Variants in PARG observed in about 807,000 individuals in gnomAD.
PARG encodes the protein mitochondrial poly(ADP-ribose) glycohydrolase.
Under a neutral mutation model 113.0 loss-of-function variants are expected in PARG, and 35 were observed. That is an observed-to-expected ratio of 0.31 (90% CI 0.24 to 0.41). The LOEUF (loss-of-function observed/expected upper bound fraction) is 0.41. PARG is among the 10% of genes least tolerant of loss of function. The probability of loss-of-function intolerance (pLI) is 1.00; values close to 1 mark genes in which losing one functional copy is unlikely to be tolerated. For synonymous variants in PARG, 330 were observed against 409.9 expected, an observed-to-expected ratio of 0.81 and a Z score of 2.36; for missense variants, 797 against 1,169.4, an observed-to-expected ratio of 0.68 and a Z score of 4.64.
Position 49,842,221 on chromosome 10 carries a change from T to A in PARG, c.2433-163A>T, listed in dbSNP as rs536156939. Among the ~76,000 whole-genome samples the A allele has an allele frequency of 2.1e-3, 315 of 152,356 alleles. 4 individuals carry two copies. The South Asian group carries it at 0.021, about 10-fold the overall frequency. Reference sequence around the variant, plus strand: ...AGGAAAGGAAAGGAAACACCCTTTATTTTTAGATTGAGGCATATACAGTGT... The same window carrying A: ...AGGAAAGGAAAGGAAACACCCTTTAATTTTAGATTGAGGCATATACAGTGT... On this transcript the variant is annotated intron_variant, in intron 14 of 17. Transcript: ENST00000616448.
intron 15 of PARG, among the ~76,000 whole-genome samples, chr10:49,834,543 A>G (rs1440175562): frequency 2.0e-5 from 3 of 152,204 alleles, no homozygotes; most frequent in Admixed American, 2.0e-4. Context: ...AAAATTATCT[A>G]TCTTGAAAAA....
chr10:49,831,239 T>C (rs1201019338), intron 16 of PARG, among the ~76,000 whole-genome samples: 2 of 152,094 alleles, frequency 1.3e-5, no homozygotes, highest in East Asian at 3.8e-4. Flanking sequence ...AAAAAAATAA[T>C]AAATGTGTCA....
intron 15 of PARG, among the ~76,000 whole-genome samples, chr10:49,837,582 T>C (rs1223677267): frequency 2.6e-5 from 4 of 152,208 alleles, no homozygotes; most frequent in Non-Finnish European, 5.9e-5. Context: ...TCAATTTTAA[T>C]AGGTAAATGT....
At chr10:49,937,431 G>A (rs1411222024) in intron 1 of PARG, among the ~76,000 whole-genome samples, 7 of 151,034 alleles carry the variant, frequency 4.6e-5, no homozygotes, top group Admixed American at 2.0e-4. Flanking sequence ...AGCGGAGATC[G>A]CGCCACTGCA....
chr10:49,843,435 C>CT, intron 14 of PARG, 119 bp downstream of exon 14: 2 of 698,566 alleles, frequency 2.9e-6, no homozygotes, highest in East Asian at 2.7e-5. Flanking sequence ...GATTTCTTTT[C>CT]TTTTTTCTTT....
intron 17 of PARG, among the ~76,000 whole-genome samples, chr10:49,819,809 GGA>G (rs1406899408): frequency 2.6e-5 from 4 of 152,198 alleles, no homozygotes; most frequent in Admixed American, 6.5e-5. Flanking sequence ...CAAGCACACT[GGA>G]TGAGCGCTGG....
intron 13 of PARG, among the ~76,000 whole-genome samples, chr10:49,849,726 T>C (rs1450525126): frequency 1.3e-5 from 2 of 152,126 alleles, no homozygotes; most frequent in African/African-American, 4.8e-5. Context: ...GGATTATAAA[T>C]TATAGGCGGG....
chr10:49,911,932 T>C (rs571993890), intron 7 of PARG, among the ~76,000 whole-genome samples: 128 of 152,340 alleles, frequency 8.4e-4, no homozygotes, highest in African/African-American at 3.0e-3. Flanking sequence ...TTAATCTTAA[T>C]ACGATGTCAA....
At chr10:49,884,589 G>C (rs1156694310) in intron 8 of PARG, among the ~76,000 whole-genome samples, 1 of 151,906 alleles carries the variant, frequency 6.6e-6, no homozygotes, top group African/African-American at 2.4e-5. Context: ...AACTTAGCCG[G>C]GTATGGTGGT....
At chr10:49,920,657 T>G (rs1298752953) in intron 6 of PARG, among the ~76,000 whole-genome samples, 1 of 149,570 alleles carries the variant, frequency 6.7e-6, no homozygotes, top group South Asian at 2.1e-4. Flanking sequence ...TACGTATATA[T>G]ATGGAGTTTA....
At chr10:49,897,381 T>C (rs1440026959) in intron 7 of PARG, among the ~76,000 whole-genome samples, 9 of 152,154 alleles carry the variant, frequency 5.9e-5, no homozygotes. Flanking sequence ...TCAGTTCCCA[T>C]CTCCCTGGGA....
chr10:49,922,088 G>T (rs1837905581), intron 6 of PARG, among the ~76,000 whole-genome samples: 1 of 152,110 alleles, frequency 6.6e-6, no homozygotes, highest in Non-Finnish European at 1.5e-5. Flanking sequence ...AAATTGGATG[G>T]GGAATCAAGA....
chr10:49,857,278 C>T (rs1554835223), intron 13 of PARG, 28 bp downstream of exon 13: 3 of 816,150 alleles, frequency 3.7e-6, no homozygotes, highest in South Asian at 3.0e-5. Flanking sequence ...GGAAGACTAC[C>T]CCATTTTCCA....
chr10:49,933,663 G>A lies in PARG; in HGVS notation c.785C>T (p.Pro262Leu), dbSNP rs1397985765. The A allele has an allele frequency of 6.2e-7, 1 of 1,609,854 alleles. No individual in the cohort carries two copies. The highest frequency in any genetic ancestry group is 1.3e-5 in the African/African-American group (1 of 74,826). ...ATCCTCAGAGCCAACATCTGACAAT[G>A]GACTCTCTGGCACCACATCTATCTC... ...QDEIDVVPES[P>L]LSDVGSEDVG... Residue 262 changes from proline (P) to leucine (L), a missense_variant, in exon 3 of 18, where the codon CCA becomes CTA. This residue lies in a region of PARG where 284 missense variants were observed against 306.1 expected (regional missense o/e 0.93). Coordinates refer to ENST00000616448, the MANE Select transcript of PARG (RefSeq NM_003631.5).
At chr10:49,840,165 A>C (rs1554831979) in intron 15 of PARG, among the ~76,000 whole-genome samples, 1 of 152,004 alleles carries the variant, frequency 6.6e-6, no homozygotes, top group Non-Finnish European at 1.5e-5. Flanking sequence ...GACGGGGAGG[A>C]GATCACTTGA....
chr10:49,868,980 G>A (rs1162236211), intron 10 of PARG, among the ~76,000 whole-genome samples: 3 of 151,902 alleles, frequency 2.0e-5, no homozygotes, highest in Admixed American at 6.6e-5. Flanking sequence ...TCAGTTTTTG[G>A]GGAAGCAAGA....
intron 15 of PARG, among the ~76,000 whole-genome samples, chr10:49,838,016 T>C (rs145022918): frequency 6.6e-6 from 1 of 152,226 alleles, no homozygotes; most frequent in Non-Finnish European, 1.5e-5. Flanking sequence ...GATTCAGGCA[T>C]AAGCATGTAG....
intron 4 of PARG, among the ~76,000 whole-genome samples, chr10:49,929,408 TTTTC>T (rs1838375953): frequency 2.0e-5 from 3 of 152,038 alleles, no homozygotes; most frequent in African/African-American, 7.2e-5. Flanking sequence ...CAACCTTCTA[TTTTC>T]TTTTTTATCC....
rs1164241089 is a variant in PARG, at chr10:49,819,541, G to GA, written c.2777-48dup. On this transcript the variant is annotated intron_variant, in intron 17 of 17. Coordinates refer to ENST00000616448, the MANE Select transcript of PARG (RefSeq NM_003631.5). ...CAGAGGCACATTAAAGTATGTAATT[G>GA]AAAAAACCTTAGAAAGAACACTCCA... 10 of 1,427,464 alleles carry GA rather than the reference G, an allele frequency of 7.0e-6. No homozygotes were observed. The Admixed American group carries it at 1.1e-4, about 15-fold the overall frequency. The allele number at this position is 1,427,464 out of a possible 1,614,324, so 88.4% of individuals were successfully genotyped here. A position where few individuals can be genotyped will look rare whatever the true frequency, so the allele number is the denominator to read the frequency against.
Sources: gnomAD v4.1 joint callset for allele counts (sites outside exome capture counted in the v4.1 genomes callset) on GRCh38, gnomAD v4.1.1 for gene constraint, gnomAD v4.1.1 regional missense constraint, MANE v1.5 for transcripts, NCBI Gene and HGNC (gene_info 2026-07-23, HGNC 2026-07-21) for gene names.